RSRC1: variants seen among roughly 807,000 people sequenced by gnomAD.
The protein encoded by RSRC1 is serine/Arginine-related protein 53.
Under a neutral mutation model 49.1 loss-of-function variants are expected in RSRC1, and 39 were observed. The observed-to-expected ratio is 0.79, with a 90% CI of 0.61 to 1.04. The LOEUF (loss-of-function observed/expected upper bound fraction) is 1.04, where lower values mean the gene tolerates loss of function less well. RSRC1 is among the 50% of genes least tolerant of loss of function. RSRC1 has a pLI of 0.00. For synonymous variants in RSRC1, 143 were observed against 130.8 expected (o/e 1.09, Z -0.63); for missense variants, 388 against 402.4 (o/e 0.96, Z 0.31).
intron 3 of RSRC1, among the ~76,000 whole-genome samples, chr3:158,142,013 G>A (rs1381999406): frequency 8.5e-5 from 13 of 152,228 alleles, no homozygotes; most frequent in African/African-American, 2.9e-4. Context: ...CAGGAGAATC[G>A]CTTGAACCGA....
chr3:158,299,377 A>C (rs900358103), intron 5 of RSRC1, among the ~76,000 whole-genome samples: 1 of 151,750 alleles, frequency 6.6e-6, no homozygotes, highest in African/African-American at 2.4e-5. Context: ...TCTTTCTCCC[A>C]GATTAGTGTG....
At chr3:158,411,074 C>T (rs1734440793) in intron 6 of RSRC1, among the ~76,000 whole-genome samples, 1 of 152,054 alleles carries the variant, frequency 6.6e-6, no homozygotes, top group Non-Finnish European at 1.5e-5. Flanking sequence ...TCTGGGTGTT[C>T]TGTTTCTCAG....
chr3:158,202,272 C>T (rs985824606), intron 3 of RSRC1, among the ~76,000 whole-genome samples: 1 of 151,972 alleles, frequency 6.6e-6, no homozygotes, highest in African/African-American at 2.4e-5. Context: ...GCCTTGGCCT[C>T]CCAAAGTGCT....
In RSRC1 at chr3:158,541,407, G is replaced by T. The variant is rs114772588; in HGVS notation, c.760-1928G>T. Among the ~76,000 whole-genome samples the T allele has an allele frequency of 6.2e-3, 941 of 152,232 alleles. 10 individuals carry two copies. The highest frequency in any genetic ancestry group is 0.021 in the African/African-American group (891 of 41,522). ...TTTGGAATTTATTTGTTTATAATCT[G>T]TCAACTCCATTAGCAACATATAATT... On this transcript the variant is annotated intron_variant, in intron 8 of 9. Coordinates refer to ENST00000611884, the MANE Select transcript of RSRC1 (RefSeq NM_001271838.2).
intron 3 of RSRC1, 91 bp downstream of exon 3, chr3:158,124,082 A>G: frequency 5.2e-6 from 5 of 959,238 alleles, no homozygotes; most frequent in Non-Finnish European, 7.2e-6. Flanking sequence ...TTATAATTAT[A>G]TAATTTTGAT....
chr3:158,523,171 G>A (rs962264758), intron 7 of RSRC1, among the ~76,000 whole-genome samples: 2 of 151,988 alleles, frequency 1.3e-5, no homozygotes, highest in Non-Finnish European at 2.9e-5. Flanking sequence ...AGCAAACTAT[G>A]AAAAGTCTCT....
At chr3:158,530,753 G>A (rs578251820) in intron 7 of RSRC1, among the ~76,000 whole-genome samples, 53 of 151,860 alleles carry the variant, frequency 3.5e-4, no homozygotes, top group Non-Finnish European at 6.5e-4. Context: ...GTACATAGCA[G>A]AGACAGGGTT....
At chr3:158,158,570 A>G (rs148340972) in intron 3 of RSRC1, among the ~76,000 whole-genome samples, 2 of 152,320 alleles carry the variant, frequency 1.3e-5, no homozygotes, top group African/African-American at 4.8e-5. Flanking sequence ...ACTATGGGGT[A>G]GCAAAACTCT....
At chr3:158,158,275 T>C (rs1428121364) in intron 3 of RSRC1, among the ~76,000 whole-genome samples, 1 of 152,000 alleles carries the variant, frequency 6.6e-6, no homozygotes, top group Non-Finnish European at 1.5e-5. Flanking sequence ...TTTTCAAACA[T>C]GGATGGAAAA....
intron 3 of RSRC1, among the ~76,000 whole-genome samples, chr3:158,167,929 A>G (rs539476959): frequency 1.3e-5 from 2 of 152,270 alleles, no homozygotes; most frequent in South Asian, 4.1e-4. Flanking sequence ...TTTGAAGGTA[A>G]GAAACTAGGG....
chr3:158,531,608 A>G (rs1329087921), intron 7 of RSRC1, among the ~76,000 whole-genome samples: 1 of 151,770 alleles, frequency 6.6e-6, no homozygotes, highest in African/African-American at 2.4e-5. Flanking sequence ...CCAGAAGACT[A>G]ATAGAAAAGC....
intron 6 of RSRC1, among the ~76,000 whole-genome samples, chr3:158,396,394 T>TG (rs1733614014): frequency 7.6e-6 from 1 of 131,004 alleles, no homozygotes; most frequent in Non-Finnish European, 1.5e-5. Context: ...TGGGCAATGT[T>TG]TTTTTTTTTT....
intron 3 of RSRC1, among the ~76,000 whole-genome samples, chr3:158,176,969 A>C (rs1719260395): frequency 6.6e-6 from 1 of 152,144 alleles, no homozygotes; most frequent in Non-Finnish European, 1.5e-5. Context: ...ACCCCATCCA[A>C]AAGTGGGCAA....
At chr3:158,211,485 C>T (rs1721671473) in intron 4 of RSRC1, among the ~76,000 whole-genome samples, 1 of 151,904 alleles carries the variant, frequency 6.6e-6, no homozygotes, top group South Asian at 2.1e-4. Context: ...TAGCTTCTTC[C>T]ACATAGGGGA....
At chr3:158,419,085 G>A (rs1734901997) in intron 6 of RSRC1, among the ~76,000 whole-genome samples, 1 of 151,916 alleles carries the variant, frequency 6.6e-6, no homozygotes, top group African/African-American at 2.4e-5. Flanking sequence ...GTCACATTGA[G>A]TGTTATTTAG....
In RSRC1 at chr3:158,209,241, A is replaced by G. The variant is rs557387224; in HGVS notation, c.494+5996A>G. Among the ~76,000 whole-genome samples the G allele has an allele frequency of 2.6e-5, 4 of 152,274 alleles. No individual in the cohort carries two copies. In the South Asian group the frequency reaches 6.2e-4, roughly 24 times the overall value. On this transcript the variant is annotated intron_variant, in intron 4 of 9. Coordinates refer to ENST00000611884, the MANE Select transcript of RSRC1 (RefSeq NM_001271838.2). ...CTTTATGGAAGGTGGGTCTTCCCTCATGAATGGATTAATGCAGTTATCAAG... is the reference window on the plus strand; with the variant it reads ...CTTTATGGAAGGTGGGTCTTCCCTCGTGAATGGATTAATGCAGTTATCAAG...
At chr3:158,225,797 A>C in intron 4 of RSRC1, 1 of 390,208 alleles carries the variant, frequency 2.6e-6, no homozygotes, top group Admixed American at 3.1e-5. Flanking sequence ...AATTACCTTT[A>C]AAATAAGGAC....
chr3:158,305,793 C>T (rs1284767332), intron 5 of RSRC1, among the ~76,000 whole-genome samples: 4 of 152,022 alleles, frequency 2.6e-5, no homozygotes, highest in Non-Finnish European at 5.9e-5. Flanking sequence ...AAGAGCACAG[C>T]ACAAGGAGTC....
At chr3:158,499,677 C>T (rs1739504235) in intron 7 of RSRC1, among the ~76,000 whole-genome samples, 1 of 151,930 alleles carries the variant, frequency 6.6e-6, no homozygotes, top group African/African-American at 2.4e-5. Context: ...TTTGATTCTC[C>T]AGTTGGTCGC....
Sources: allele counts gnomAD v4.1 joint callset (sites outside exome capture counted in the v4.1 genomes callset), GRCh38; gene constraint gnomAD v4.1.1; transcripts MANE v1.5; gene names NCBI Gene and HGNC (gene_info 2026-07-23, HGNC 2026-07-21).